SDK1: variants seen among roughly 807,000 people sequenced by gnomAD.
The protein encoded by SDK1 is protein sidekick-1.
A neutral mutation model predicts 245.5 loss-of-function variants in SDK1; 157 were observed. That is an observed-to-expected ratio of 0.64 (90% CI 0.56 to 0.73). The LOEUF (loss-of-function observed/expected upper bound fraction) is 0.73. Among genes scored for constraint, SDK1 ranks in the 30% least tolerant of loss-of-function variants. The probability of loss-of-function intolerance (pLI) is 0.00; values close to 1 mark genes in which losing one functional copy is unlikely to be tolerated. For missense variants in SDK1, 3,583 were observed against 3,002.3 expected, an observed-to-expected ratio of 1.19 and a Z score of -4.52; for synonymous variants, 1,647 against 1,278.5, an observed-to-expected ratio of 1.29 and a Z score of -6.15.
At chr7:3,798,538 T>C (rs1779025401) in intron 4 of SDK1, among the ~76,000 whole-genome samples, 1 of 152,050 alleles carries the variant, frequency 6.6e-6, no homozygotes, top group Non-Finnish European at 1.5e-5. Context: ...TCTTGATGAG[T>C]GCTGACCCGT....
intron 5 of SDK1, among the ~76,000 whole-genome samples, chr7:3,848,950 G>A (rs1377133329): frequency 6.6e-6 from 1 of 152,194 alleles, no homozygotes; most frequent in African/African-American, 2.4e-5. Context: ...GATTACAGGC[G>A]TGAGCCGCCG....
intron 1 of SDK1, among the ~76,000 whole-genome samples, chr7:3,589,164 A>G (rs1035093095): frequency 3.9e-5 from 6 of 152,230 alleles, no homozygotes; most frequent in African/African-American, 1.4e-4. Flanking sequence ...TGACGTCAGT[A>G]CTGATCTCAC....
intron 17 of SDK1, among the ~76,000 whole-genome samples, chr7:4,034,358 A>G (rs1266102248): frequency 6.6e-6 from 1 of 152,170 alleles, no homozygotes; most frequent in Admixed American, 6.6e-5. Flanking sequence ...GTCATGTGTC[A>G]ATGCCGACGT....
intron 5 of SDK1, among the ~76,000 whole-genome samples, chr7:3,825,346 A>T (rs1001860546): frequency 2.0e-5 from 3 of 150,984 alleles, no homozygotes; most frequent in African/African-American, 7.3e-5. Context: ...AAAAAGCCAC[A>T]GGCGATGAGA....
chr7:3,466,373 A>C (rs947481758), intron 1 of SDK1, among the ~76,000 whole-genome samples: 1 of 150,738 alleles, frequency 6.6e-6, no homozygotes, highest in African/African-American at 2.4e-5. Flanking sequence ...ACATCAAGCC[A>C]TGCTGGCTCT....
intron 1 of SDK1, among the ~76,000 whole-genome samples, chr7:3,605,615 T>C (rs1460401901): frequency 6.6e-6 from 1 of 152,220 alleles, no homozygotes; most frequent in East Asian, 1.9e-4. Flanking sequence ...TGTCACCTAC[T>C]ATTTAATTTT....
intron 41 of SDK1, among the ~76,000 whole-genome samples, chr7:4,235,762 C>A (rs1052773118): frequency 2.6e-5 from 4 of 152,228 alleles, no homozygotes; most frequent in African/African-American, 7.2e-5. Flanking sequence ...GCAGAGCTGG[C>A]CTTGCCATGA....
At chr7:3,691,274 A>G (rs1784431063) in intron 4 of SDK1, among the ~76,000 whole-genome samples, 2 of 152,222 alleles carry the variant, frequency 1.3e-5, no homozygotes, top group South Asian at 4.1e-4. Context: ...CAGAGTAAAA[A>G]ATGCCATAGA....
intron 1 of SDK1, among the ~76,000 whole-genome samples, chr7:3,550,873 T>C (rs1779380841): frequency 6.6e-6 from 1 of 152,232 alleles, no homozygotes; most frequent in Admixed American, 6.5e-5. Context: ...TTGTAATTTT[T>C]AGCAATACTG....
intron 4 of SDK1, among the ~76,000 whole-genome samples, chr7:3,810,992 A>G (rs1460728790): frequency 1.3e-5 from 2 of 152,224 alleles, no homozygotes; most frequent in Admixed American, 6.5e-5. Context: ...ACAGAAGCCT[A>G]TTAACTAAAA....
Position 3,969,316 on chromosome 7 carries a change from G to T in SDK1, c.1606G>T (p.Gly536Trp). Residue 536 changes from glycine to tryptophan, a missense_variant, in exon 11 of 45, where the codon GGG (glycine) becomes TGG (tryptophan). Coordinates refer to ENST00000404826, the MANE Select transcript of SDK1 (RefSeq NM_152744.4). The stretch of plus-strand genomic sequence containing the variant: ...TCCTAGGTTCATGCTTCTTGAATCG[G>T]GGGGTCTACAGATCGCGCCCGTCTT... ...RIPRFMLLES[G>W]GLQIAPVFIQ... 6.2e-7 allele frequency: 1 copy of T among 1,611,126 alleles called. No individual in the cohort carries two copies. Among genetic ancestry groups the T allele is most frequent in the Non-Finnish European group, 8.5e-7 (1 of 1,178,758 alleles).
intron 1 of SDK1, among the ~76,000 whole-genome samples, chr7:3,362,619 T>C (rs961167766): frequency 1.3e-5 from 2 of 152,192 alleles, no homozygotes; most frequent in African/African-American, 4.8e-5. Flanking sequence ...GTACAAGATT[T>C]AAAATTAATT....
intron 1 of SDK1, among the ~76,000 whole-genome samples, chr7:3,566,386 A>G (rs1016603142): frequency 6.6e-6 from 1 of 151,878 alleles, no homozygotes; most frequent in Non-Finnish European, 1.5e-5. Flanking sequence ...CATCACGCCC[A>G]GCTAATTTTT....
chr7:3,908,523 C>T (rs548943694), intron 5 of SDK1, among the ~76,000 whole-genome samples: 12 of 152,310 alleles, frequency 7.9e-5, no homozygotes, highest in African/African-American at 2.9e-4. Flanking sequence ...GATTCATAGG[C>T]AGCTTCCCCT....
intron 5 of SDK1, among the ~76,000 whole-genome samples, chr7:3,842,977 C>G (rs1780195519): frequency 1.3e-5 from 2 of 152,046 alleles, no homozygotes; most frequent in African/African-American, 4.8e-5. Flanking sequence ...AACGCACATT[C>G]TCATTTGGCG....
At chr7:4,049,969 A>G (rs751665496) in intron 18 of SDK1, among the ~76,000 whole-genome samples, 1 of 152,196 alleles carries the variant, frequency 6.6e-6, no homozygotes, top group Non-Finnish European at 1.5e-5. Context: ...ACAAATTTCC[A>G]TCATCCGACT....
chr7:3,551,701 G>T (rs9638859), intron 1 of SDK1, among the ~76,000 whole-genome samples: 37,587 of 151,826 alleles, frequency 0.25, 4,823 homozygotes, highest in East Asian at 0.35. Flanking sequence ...TTACAGACAG[G>T]CTCTCAGTGT....
intron 1 of SDK1, among the ~76,000 whole-genome samples, chr7:3,541,818 G>A (rs1333766831): frequency 6.6e-6 from 1 of 152,150 alleles, no homozygotes; most frequent in African/African-American, 2.4e-5. Flanking sequence ...GTGTGGTGTT[G>A]AAGAACCATT....
intron 1 of SDK1, among the ~76,000 whole-genome samples, chr7:3,417,584 A>G (rs1583826991): frequency 1.3e-5 from 2 of 152,190 alleles, no homozygotes; most frequent in East Asian, 1.9e-4. Context: ...TACCCTGAGT[A>G]TCTGTGCTCA....
Sources: allele counts gnomAD v4.1 joint callset (sites outside exome capture counted in the v4.1 genomes callset), GRCh38; gene constraint gnomAD v4.1.1; transcripts MANE v1.5; gene names NCBI Gene and HGNC (gene_info 2026-07-23, HGNC 2026-07-21).